Variants in PCNX2 observed in about 807,000 individuals in gnomAD.
PCNX2 encodes pecanex 2.
In PCNX2, 168 loss-of-function variants were observed where a neutral mutation model predicts 223.8. That is an observed-to-expected ratio of 0.75 (90% confidence interval 0.66 to 0.85). The LOEUF is 0.85. PCNX2 is among the 40% of genes least tolerant of loss of function. PCNX2 has a pLI of 0.00. For synonymous variants in PCNX2, 1,006 were observed against 1,052.6 expected, an observed-to-expected ratio of 0.96 and a Z score of 0.86; for missense variants, 2,507 against 2,675.5, an observed-to-expected ratio of 0.94 and a Z score of 1.39.
At chr1:233,261,620 G>C (rs12122968) in intron 3 of PCNX2, among the ~76,000 whole-genome samples, 1 of 152,076 alleles carries the variant, frequency 6.6e-6, no homozygotes, top group Non-Finnish European at 1.5e-5. Context: ...GCTCAACAAA[G>C]TTAATCTAGA....
chr1:233,020,650 T>G (rs1434209175), intron 26 of PCNX2, among the ~76,000 whole-genome samples: 3 of 152,170 alleles, frequency 2.0e-5, no homozygotes, highest in Non-Finnish European at 4.4e-5. Flanking sequence ...GATAAGCGTG[T>G]CTCCTTTCTA....
intron 15 of PCNX2, 105 bp from the exon 16 acceptor site, chr1:233,179,280 G>C (rs1679659983): frequency 1.7e-6 from 2 of 1,174,732 alleles, no homozygotes; most frequent in East Asian, 2.6e-5. Flanking sequence ...GGATGGATGA[G>C]TTATTCCCAT....
chr1:233,058,785 C>T (rs1672294262), intron 23 of PCNX2, among the ~76,000 whole-genome samples: 1 of 151,318 alleles, frequency 6.6e-6, no homozygotes, highest in South Asian at 2.1e-4. Flanking sequence ...CCTGCCTCAG[C>T]CTTCCCAGTA....
intron 19 of PCNX2, among the ~76,000 whole-genome samples, chr1:233,156,275 T>C (rs1021684862): frequency 6.6e-6 from 1 of 152,244 alleles, no homozygotes; most frequent in Non-Finnish European, 1.5e-5. Flanking sequence ...TATACCAAAA[T>C]TATTCGTTAT....
intron 32 of PCNX2, among the ~76,000 whole-genome samples, chr1:232,995,891 C>T (rs1188532518): frequency 6.6e-6 from 1 of 152,024 alleles, no homozygotes. Flanking sequence ...CCCCTCCTCT[C>T]CCCCCACCCA....
intron 8 of PCNX2, among the ~76,000 whole-genome samples, chr1:233,238,129 A>G (rs1658530154): frequency 6.6e-6 from 1 of 152,176 alleles, no homozygotes; most frequent in Admixed American, 6.5e-5. Context: ...TGAACAGATC[A>G]TACCTTTGGG....
At chr1:233,007,959 G>A (rs1173662473) in intron 28 of PCNX2, among the ~76,000 whole-genome samples, 3 of 152,108 alleles carry the variant, frequency 2.0e-5, no homozygotes, top group African/African-American at 4.8e-5. Context: ...GATTACAGGC[G>A]TGAGCCACCG....
Position 233,183,147 on chromosome 1 carries a change from A to G in PCNX2, c.3067-3972T>C, listed in dbSNP as rs371077011. 9.8e-4 allele frequency among the ~76,000 whole-genome samples: 150 copies of G among 152,306 alleles called. 3 individuals are homozygous for G. The South Asian group carries it at 0.03, about 31-fold the overall frequency. On this transcript the variant is annotated intron_variant, in intron 15 of 33. Transcript: ENST00000258229. ...AGCTGGCAACTTTATCCATGTTAGA[A>G]AAGACATTCTGGGGCAACCTGATGG...
intron 14 of PCNX2, among the ~76,000 whole-genome samples, chr1:233,199,822 T>A (rs1015122395): frequency 6.9e-6 from 1 of 144,140 alleles, no homozygotes; most frequent in African/African-American, 2.8e-5. Flanking sequence ...ACACACACAC[T>A]TATATCCACT....
At chr1:233,162,108 C>G (rs935067922) in intron 17 of PCNX2, among the ~76,000 whole-genome samples, 1 of 151,804 alleles carries the variant, frequency 6.6e-6, no homozygotes, top group African/African-American at 2.4e-5. Context: ...TCATACAAAA[C>G]TGTAGTGTAA....
At chr1:233,221,190 AAT>A (rs1491438881) in intron 10 of PCNX2, among the ~76,000 whole-genome samples, 1 of 88,324 alleles carries the variant, frequency 1.1e-5, no homozygotes, top group Non-Finnish European at 2.3e-5. Context: ...GCTCAAGTTG[AAT>A]TTTTTTTTTT....
At chr1:233,081,674 T>G (rs1022052634) in intron 23 of PCNX2, among the ~76,000 whole-genome samples, 1 of 152,224 alleles carries the variant, frequency 6.6e-6, no homozygotes, top group African/African-American at 2.4e-5. Context: ...AAATGTTTTG[T>G]GGTCCAGTGA....
chr1:233,105,110 A>G (rs966470936), intron 21 of PCNX2, among the ~76,000 whole-genome samples: 3 of 152,148 alleles, frequency 2.0e-5, no homozygotes, highest in African/African-American at 7.2e-5. Flanking sequence ...TTCAACAAGG[A>G]TATTATGAGA....
Position 233,054,478 on chromosome 1 carries a change from C to T in PCNX2, c.4141G>A (p.Asp1381Asn). Residue 1381 changes from aspartate (D) to asparagine (N), a missense_variant, in exon 25 of 34, where the codon GAT (aspartate) becomes AAT (asparagine). Physicochemically the swap from Asp to Asn is conservative, Grantham distance 23. This residue lies in a region of PCNX2 where 1,372 missense variants were observed against 1,509.4 expected (regional missense o/e 0.91). Transcript: ENST00000258229. Reference protein sequence around the residue: ...AVQIERDPGNDDNNLNSIFYE... With the variant: ...AVQIERDPGNNDNNLNSIFYE... ...AAAATGGAATTGAGATTGTTGTCATCATTCCCTAAAGGCAGACAAGAAATA... is the reference window on the plus strand; with the variant it reads ...AAAATGGAATTGAGATTGTTGTCATTATTCCCTAAAGGCAGACAAGAAATA... 6.2e-7 allele frequency: 1 copy of T among 1,611,250 alleles called. No individual in the cohort carries two copies. The highest frequency in any genetic ancestry group is 1.1e-5 in the South Asian group (1 of 90,838).
chr1:233,200,204 A>T lies in PCNX2; in HGVS notation c.2924T>A (p.Phe975Tyr). 1.3e-6 allele frequency: 2 copies of T among 1,596,514 alleles called. No individual in the cohort carries two copies. The highest frequency in any genetic ancestry group is 8.5e-7 in the Non-Finnish European group (1 of 1,171,100). The change falls in exon 14 of 34, where the codon TTC (phenylalanine) becomes TAC (tyrosine). Residue 975 changes from phenylalanine (F) to tyrosine (Y), a missense_variant. Around this residue, in one of 3 missense-constraint regions of PCNX2, gnomAD observed 1,372 missense variants for 1,509.4 expected, o/e 0.91. Transcript: ENST00000258229. ...LLGLFPQINT[F>Y]CTYLLEQIDM... The stretch of plus-strand genomic sequence containing the variant: ...AATTTGCTCCAAAAGATAAGTGCAG[A>T]AAGTGTTGATTTGCGGGAAGAGCCC...
chr1:233,107,722 C>T (rs991117705), intron 21 of PCNX2, among the ~76,000 whole-genome samples: 1 of 150,902 alleles, frequency 6.6e-6, no homozygotes, highest in African/African-American at 2.4e-5. Context: ...AATCTCATTA[C>T]AGAACTGAGT....
intron 15 of PCNX2, among the ~76,000 whole-genome samples, chr1:233,193,274 T>C (rs1007485170): frequency 5.9e-5 from 9 of 151,598 alleles, no homozygotes; most frequent in African/African-American, 1.9e-4. Flanking sequence ...ATGAGAGACA[T>C]GAAAGACAGC....
intron 17 of PCNX2, among the ~76,000 whole-genome samples, chr1:233,165,729 A>G (rs2262868): frequency 0.61 from 92,692 of 151,952 alleles, 28,418 homozygotes; most frequent in South Asian, 0.68. Context: ...AAATAAATAA[A>G]TGGGGAGATA....
At chr1:233,185,373 C>T (rs1482816769) in intron 15 of PCNX2, among the ~76,000 whole-genome samples, 2 of 152,122 alleles carry the variant, frequency 1.3e-5, no homozygotes, top group Admixed American at 1.3e-4. Flanking sequence ...CCAGTACCAG[C>T]CTCCACAGCC....
Sources: allele counts gnomAD v4.1 joint callset (sites outside exome capture counted in the v4.1 genomes callset), GRCh38; gene constraint gnomAD v4.1.1; regional missense constraint gnomAD v4.1.1; transcripts MANE v1.5; gene names NCBI Gene and HGNC (gene_info 2026-07-23, HGNC 2026-07-21).